Variants in AHDC1 observed in about 807,000 individuals in gnomAD.
The protein encoded by AHDC1 is transcription factor Gibbin.
AHDC1 carries 7 observed loss-of-function variants against 87.9 expected under a neutral mutation model. The observed-to-expected ratio is 0.08, with a 90% CI of 0.05 to 0.15. AHDC1 has a LOEUF of 0.15. AHDC1 is among the 10% of genes least tolerant of loss of function. AHDC1 has a pLI of 1.00. For synonymous variants in AHDC1, 1,051 were observed against 1,006.8 expected (o/e 1.04, Z -0.83); for missense variants, 1,841 against 2,253.2 (o/e 0.82, Z 3.70).
At chr1:27,552,324 G>T in intron 7 of AHDC1, 135 bp from the exon 8 acceptor site, 1 of 799,110 alleles carries the variant, frequency 1.3e-6, no homozygotes, top group Non-Finnish European at 1.7e-6. Flanking sequence ...CCCACCCCAA[G>T]CCCCATCCCC....
chr1:27,566,019 C>T (rs1474906600), intron 3 of AHDC1, among the ~76,000 whole-genome samples: 1 of 152,162 alleles, frequency 6.6e-6, no homozygotes, highest in African/African-American at 2.4e-5. Context: ...AAAGAGGGAT[C>T]CTTTGGGGTG....
At chr1:27,564,673 T>C (rs1294872731) in intron 3 of AHDC1, among the ~76,000 whole-genome samples, 11 of 152,154 alleles carry the variant, frequency 7.2e-5, no homozygotes, top group Admixed American at 3.3e-4. Context: ...AGGGGAGATG[T>C]TGGGGTGTTG....
chr1:27,590,166 T>C lies in AHDC1; in HGVS notation c.-629+13231A>G, dbSNP rs570776034. On this transcript the variant is annotated intron_variant, in intron 3 of 8. Coordinates refer to ENST00000673934, the MANE Select transcript of AHDC1 (RefSeq NM_001371928.1). The surrounding 1 kb of genome is among the most constrained non-coding windows in gnomAD (Gnocchi z 5.4). ...CAGGCCCCGGCCGGGATTTTCCATCTCTCAGCAACAAGATTCCTGGTGAGC... is the reference window on the plus strand; with the variant it reads ...CAGGCCCCGGCCGGGATTTTCCATCCCTCAGCAACAAGATTCCTGGTGAGC... Among the ~76,000 whole-genome samples, 5 of 152,240 alleles carry C rather than the reference T, an allele frequency of 3.3e-5. No homozygotes were observed. Among genetic ancestry groups the C allele is most frequent in the African/African-American group, 1.2e-4 (5 of 41,542 alleles).
chr1:27,603,104 C>T (rs1324932605), intron 3 of AHDC1, among the ~76,000 whole-genome samples: 1 of 151,438 alleles, frequency 6.6e-6, no homozygotes, highest in Non-Finnish European at 1.5e-5. Flanking sequence ...ACCTCGCCCC[C>T]GAGCCGGGGG....
chr1:27,564,596 C>T (rs1209476057), intron 3 of AHDC1, among the ~76,000 whole-genome samples: 1 of 152,224 alleles, frequency 6.6e-6, no homozygotes, highest in Non-Finnish European at 1.5e-5. Flanking sequence ...ACTCAGCCTC[C>T]ATCTCCTGGC....
chr1:27,603,182 T>A (rs900169467), intron 3 of AHDC1, among the ~76,000 whole-genome samples: 1 of 28,642 alleles, frequency 3.5e-5, no homozygotes, highest in Admixed American at 2.8e-4. Context: ...CACCTCCCCC[T>A]CCCCCTTCCC....
At position 27,552,038 on chromosome 1, in the gene AHDC1, C is replaced by T; in HGVS notation, c.78G>A (p.Lys26=). 2.0e-6 allele frequency: 3 copies of T among 1,494,590 alleles called. No homozygotes were observed. The highest frequency in any genetic ancestry group is 2.7e-6 in the Non-Finnish European group (3 of 1,123,288). 92.6% of individuals were successfully genotyped at this position (1,494,590 alleles called of 1,614,324 possible). A position where few individuals can be genotyped will look rare whatever the true frequency, so the allele number is the denominator to read the frequency against. Residue 26 remains lysine (K), a synonymous_variant, in exon 8 of 9, where the codon AAG becomes AAA. Transcript: ENST00000673934. Reference sequence around the variant, plus strand: ...GGGTGGGGGGGCCGCCGGGGTAGTACTTGGGTTCCCGGAGGTAGTCAGGAG... The same window carrying T: ...GGGTGGGGGGGCCGCCGGGGTAGTATTTGGGTTCCCGGAGGTAGTCAGGAG... The part of the protein sequence containing the change: ...CSSPDYLREP[K]YYPGGPPTPR...
chr1:27,549,252 G>T lies in AHDC1; in HGVS notation c.2864C>A (p.Ala955Asp). The T allele has an allele frequency of 3.7e-6, 6 of 1,605,186 alleles. No individual in the cohort carries two copies. The highest frequency in any genetic ancestry group is 5.1e-6 in the Non-Finnish European group (6 of 1,174,562). The part of the protein sequence containing the change: ...PKLVPPPSAM[A>D]RSPTTHPPAN... ...AGGCGGGTGGGTGGTAGGTGAGCGG[G>T]CCATGGCTGAGGGCGGGGGCACCAG... The change falls in exon 8 of 9, where the codon GCC (alanine) becomes GAC (aspartate). Residue 955 changes from alanine (A) to aspartate (D), a missense_variant. By Grantham distance (126) the Ala-to-Asp change is moderately radical. Around this residue, in one of 13 missense-constraint regions of AHDC1, gnomAD observed 378 missense variants for 399.0 expected, o/e 0.95. Transcript: ENST00000673934.
At position 27,593,082 on chromosome 1, in the gene AHDC1, GC is replaced by G. The variant is rs2089271814; in HGVS notation, c.-629+10314del. Reference sequence around the variant, plus strand: ...GGAGCTGAGCAACAGCTGCGGTGCTGCCCCTCCAGGGGACACAGGCCTCGGT... The same window carrying G: ...GGAGCTGAGCAACAGCTGCGGTGCTGCCCTCCAGGGGACACAGGCCTCGGT... On this transcript the variant is annotated intron_variant, in intron 3 of 8. Coordinates refer to ENST00000673934, the MANE Select transcript of AHDC1 (RefSeq NM_001371928.1). The surrounding 1 kb of genome is among the most constrained non-coding windows in gnomAD (Gnocchi z 4.9). Among the ~76,000 whole-genome samples, 1 of 152,110 alleles carries G rather than the reference GC, an allele frequency of 6.6e-6. No homozygotes were observed.
chr1:27,567,296 G>C (rs1020518224), intron 3 of AHDC1, among the ~76,000 whole-genome samples: 2 of 152,222 alleles, frequency 1.3e-5, no homozygotes, highest in African/African-American at 4.8e-5. Context: ...AGGCGACGGT[G>C]GGTCAGAGGG....
rs895857627 is a variant in AHDC1 at position 27,593,253 on chromosome 1, G to A, written c.-629+10144C>T. The stretch of plus-strand genomic sequence containing the variant: ...CCCTCCACTCCTCCAGGCAGGCAGC[G>A]ATAGGATTACTTCTGCATGACTGCC... On this transcript the variant is annotated intron_variant, in intron 3 of 8. Transcript: ENST00000673934. The surrounding 1 kb of genome is among the most constrained non-coding windows in gnomAD (Gnocchi z 4.9). 7.9e-5 allele frequency among the ~76,000 whole-genome samples: 12 copies of A among 152,032 alleles called. No homozygotes were observed. The highest frequency in any genetic ancestry group is 2.7e-4 in the African/African-American group (11 of 41,388).
chr1:27,543,948 G>GAA lies in AHDC1; in HGVS notation c.*43+3311_*43+3312dup, dbSNP rs113660977. Reference sequence around the variant, plus strand: ...ACACAGTGAGGCTCCATCTCAAAAAGAAAAAAAAAAAAAAGTGTAGGGATT... The same window carrying GAA: ...ACACAGTGAGGCTCCATCTCAAAAAGAAAAAAAAAAAAAAAAGTGTAGGGATT... On this transcript the variant is annotated intron_variant, in intron 8 of 8. Transcript: ENST00000673934. Among the ~76,000 whole-genome samples the GAA allele has an allele frequency of 9.4e-5, 12 of 127,500 alleles. No homozygotes were observed. In the South Asian group the frequency reaches 1.8e-3, roughly 19 times the overall value. The allele number at this position is 127,500 out of a possible 152,430, so 83.6% of individuals were successfully genotyped here.
At position 27,549,764 on chromosome 1, in the gene AHDC1, G is replaced by C. The variant is rs200498435; in HGVS notation, c.2352C>G (p.Gly784=). The C allele has an allele frequency of 6.2e-7, 1 of 1,613,030 alleles. No homozygotes were observed. The highest frequency in any genetic ancestry group is 1.1e-5 in the South Asian group (1 of 91,078). ...GGWAPHHGHP[G]GQAGRNCGFQ... The stretch of plus-strand genomic sequence containing the variant: ...ACCCACAGTTTCGGCCAGCTTGTCC[G>C]CCTGGGTGCCCATGGTGAGGGGCCC... Residue 784 remains glycine (G), a synonymous_variant, in exon 8 of 9, where the codon GGC becomes GGG. Transcript: ENST00000673934.
In AHDC1 at chr1:27,558,651, C is replaced by G; in HGVS notation, c.-451+55G>C. 7.5e-6 allele frequency: 3 copies of G among 398,342 alleles called. No homozygotes were observed. Among genetic ancestry groups the G allele is most frequent in the East Asian group, 3.6e-5 (1 of 28,076 alleles). 24.7% of individuals were successfully genotyped at this position (398,342 alleles called of 1,614,324 possible). A position where few individuals can be genotyped will look rare whatever the true frequency, so the allele number is the denominator to read the frequency against. ...GGACTGGGAGGCAAGTTCCCCTGAT[C>G]CCCACTTCCTGGGGGTGGCCCAGGC... On this transcript the variant is annotated intron_variant, in intron 4 of 8. Coordinates refer to ENST00000673934, the MANE Select transcript of AHDC1 (RefSeq NM_001371928.1). The surrounding 1 kb of genome is among the most constrained non-coding windows in gnomAD (Gnocchi z 5.6).
chr1:27,546,064 G>A lies in AHDC1; in HGVS notation c.*43+1197C>T, dbSNP rs113841933. On this transcript the variant is annotated intron_variant, in intron 8 of 8. Transcript: ENST00000673934. ...GGCCTTGAATGGCCTCCCAGAGCAC[G>A]GATGGGACTTTCCAGGAGCCCAGCT... Among the ~76,000 whole-genome samples, 9 of 152,306 alleles carry A rather than the reference G, an allele frequency of 5.9e-5. 1 individual carries two copies. Among genetic ancestry groups the A allele is most frequent in the African/African-American group, 1.4e-4 (6 of 41,566 alleles).
At position 27,550,782 on chromosome 1, in the gene AHDC1, G is replaced by C; in HGVS notation, c.1334C>G (p.Pro445Arg). Residue 445 changes from proline to arginine, a missense_variant, in exon 8 of 9, where the codon CCG becomes CGG. Transcript: ENST00000673934. ...CGGCTTCAACTCTGGGACTGAGACCGGGCCTGGGCCTGGCAGGGCAGGGGG... is the reference window on the plus strand; with the variant it reads ...CGGCTTCAACTCTGGGACTGAGACCCGGCCTGGGCCTGGCAGGGCAGGGGG... ...PPPPALPGPG[P>R]VSVPELKPES... 2 of 1,568,090 alleles carry C rather than the reference G, an allele frequency of 1.3e-6. No homozygotes were observed. Among genetic ancestry groups the C allele is most frequent in the African/African-American group, 1.4e-5 (1 of 73,886 alleles).
At position 27,549,064 on chromosome 1, in the gene AHDC1, C is replaced by A. The variant is rs751537617; in HGVS notation, c.3052G>T (p.Ala1018Ser). 1.9e-6 allele frequency: 3 copies of A among 1,566,064 alleles called. No homozygotes were observed. Among genetic ancestry groups the A allele is most frequent in the Admixed American group, 3.7e-5 (2 of 53,660 alleles). Residue 1018 changes from alanine (A) to serine (S), a missense_variant, in exon 8 of 9, where the codon GCC becomes TCC. Ala to Ser is a moderately conservative substitution (Grantham distance 99). This residue lies in a region of AHDC1 where 378 missense variants were observed against 399.0 expected (regional missense o/e 0.95). Transcript: ENST00000673934. ...CCGGTAGGCGGTGGGGCATAGCCGG[C>A]GCTGTGGGCGCTGCTGGGTGAGGCA... The part of the protein sequence containing the change: ...LPASPSSAHS[A>S]GYAPPPTGGP...
In AHDC1 at chr1:27,549,088, C is replaced by A; in HGVS notation, c.3028G>T (p.Ala1010Ser). ...FAYGSGNSLP[A>S]SPSSAHSAGY... ...GCGCTGTGGGCGCTGCTGGGTGAGGCAGGGAGGCTGTTGCCACTGCCATAG... is the reference window on the plus strand; with the variant it reads ...GCGCTGTGGGCGCTGCTGGGTGAGGAAGGGAGGCTGTTGCCACTGCCATAG... Residue 1010 changes from alanine to serine, a missense_variant, in exon 8 of 9, where the codon GCC (alanine) becomes TCC (serine). Ala to Ser is a moderately conservative substitution (Grantham distance 99, BLOSUM62 1). Coordinates refer to ENST00000673934, the MANE Select transcript of AHDC1 (RefSeq NM_001371928.1). 2 of 1,556,452 alleles carry A rather than the reference C, an allele frequency of 1.3e-6. No individual in the cohort carries two copies. The highest frequency in any genetic ancestry group is 1.7e-6 in the Non-Finnish European group (2 of 1,150,568).
Position 27,598,318 on chromosome 1 carries a change from G to C in AHDC1, c.-629+5079C>G, listed in dbSNP as rs901341064. The stretch of plus-strand genomic sequence containing the variant: ...TGTGTGTGGTGGAGGGGGCTGGAAG[G>C]GGGCTGGAGGGAGGCAGGGCCTCAC... On this transcript the variant is annotated intron_variant, in intron 3 of 8. Coordinates refer to ENST00000673934, the MANE Select transcript of AHDC1 (RefSeq NM_001371928.1). The surrounding 1 kb of genome is among the most constrained non-coding windows in gnomAD (Gnocchi z 4.2). 6.6e-6 allele frequency among the ~76,000 whole-genome samples: 1 copy of C among 152,236 alleles called. No individual in the cohort carries two copies. Among genetic ancestry groups the C allele is most frequent in the Non-Finnish European group, 1.5e-5 (1 of 68,026 alleles).
Sources: gnomAD v4.1 joint callset for allele counts (sites outside exome capture counted in the v4.1 genomes callset) on GRCh38, gnomAD v4.1.1 for gene constraint, gnomAD v4.1.1 regional missense constraint, Gnocchi (gnomAD v3.1) non-coding constraint, MANE v1.5 for transcripts, NCBI Gene and HGNC (gene_info 2026-07-23, HGNC 2026-07-21) for gene names.